The following DLG2 variants were observed in gnomAD, a reference collection of about 807,000 sequenced individuals.
The protein encoded by DLG2 is discs large MAGUK scaffold protein 2.
DLG2 carries 45 observed loss-of-function variants against 132.5 expected under a neutral mutation model. The observed-to-expected ratio is 0.34, with a 90% confidence interval of 0.27 to 0.44. The LOEUF (loss-of-function observed/expected upper bound fraction) is 0.44, where lower values mean the gene tolerates loss of function less well. DLG2 is among the 20% of genes least tolerant of loss of function. The pLI is 1.00. For missense variants in DLG2, 1,045 were observed against 1,196.9 expected, an observed-to-expected ratio of 0.87 and a Z score of 1.87; for synonymous variants, 424 against 419.6, an observed-to-expected ratio of 1.01 and a Z score of -0.13.
chr11:84,774,487 C>G (rs2070055296), intron 6 of DLG2, among the ~76,000 whole-genome samples: 2 of 151,998 alleles, frequency 1.3e-5, no homozygotes, highest in Admixed American at 1.3e-4. Flanking sequence ...GTCCAAATAG[C>G]CAAAATAATC....
intron 6 of DLG2, among the ~76,000 whole-genome samples, chr11:84,544,866 G>C (rs764493316): frequency 4.6e-5 from 7 of 152,168 alleles, no homozygotes; most frequent in Non-Finnish European, 8.8e-5. Flanking sequence ...GTCGCTAAAA[G>C]TGAATTTTTC....
At chr11:84,942,411 T>C (rs933425942) in intron 6 of DLG2, among the ~76,000 whole-genome samples, 4 of 152,156 alleles carry the variant, frequency 2.6e-5, no homozygotes. Context: ...TCCACAGATA[T>C]TGGTATATTC....
intron 6 of DLG2, among the ~76,000 whole-genome samples, chr11:84,568,593 C>T (rs541629258): frequency 1.3e-5 from 2 of 152,308 alleles, no homozygotes; most frequent in East Asian, 3.9e-4. Flanking sequence ...CTCAACCTAA[C>T]TTCTGTACTA....
At chr11:85,467,180 A>G (rs566761261) in intron 3 of DLG2, among the ~76,000 whole-genome samples, 115 of 152,184 alleles carry the variant, frequency 7.6e-4, no homozygotes, top group Non-Finnish European at 1.4e-3. Flanking sequence ...ACTTTGCTGA[A>G]GTTGCCTATC....
At chr11:85,468,694 T>C (rs947038416) in intron 3 of DLG2, among the ~76,000 whole-genome samples, 1 of 152,240 alleles carries the variant, frequency 6.6e-6, no homozygotes, top group African/African-American at 2.4e-5. Flanking sequence ...TTATAATTTC[T>C]GTTCTTTTAC....
intron 6 of DLG2, among the ~76,000 whole-genome samples, chr11:85,010,527 T>C (rs1352568565): frequency 2.0e-5 from 3 of 152,074 alleles, no homozygotes; most frequent in Admixed American, 2.0e-4. Flanking sequence ...TATAAAACGT[T>C]CTAGTGGGCG....
intron 6 of DLG2, among the ~76,000 whole-genome samples, chr11:84,974,042 A>C (rs1296555670): frequency 6.6e-6 from 1 of 152,216 alleles, no homozygotes; most frequent in South Asian, 2.1e-4. Context: ...CATCTGCATT[A>C]AACTAGAGAA....
chr11:84,917,035 T>C (rs2092512033), intron 6 of DLG2, among the ~76,000 whole-genome samples: 1 of 152,228 alleles, frequency 6.6e-6, no homozygotes, highest in African/African-American at 2.4e-5. Context: ...CCATGATTTT[T>C]TGACTTAGCA....
intron 6 of DLG2, among the ~76,000 whole-genome samples, chr11:85,009,691 A>G (rs1376551157): frequency 6.6e-6 from 1 of 152,124 alleles, no homozygotes; most frequent in East Asian, 1.9e-4. Context: ...TATCAATTCC[A>G]GTTATACAAA....
At chr11:85,042,587 G>A (rs974059703) in intron 6 of DLG2, among the ~76,000 whole-genome samples, 1 of 151,880 alleles carries the variant, frequency 6.6e-6, no homozygotes, top group East Asian at 1.9e-4. Flanking sequence ...GATTAAATAA[G>A]GCATGTGAAT....
intron 4 of DLG2, among the ~76,000 whole-genome samples, chr11:85,257,403 A>G (rs963873532): frequency 6.6e-6 from 1 of 152,238 alleles, no homozygotes; most frequent in Non-Finnish European, 1.5e-5. Context: ...AGCTATTTAT[A>G]AGAAGCAAAA....
At chr11:83,640,744 C>T (rs2066257742) in intron 18 of DLG2, among the ~76,000 whole-genome samples, 1 of 152,088 alleles carries the variant, frequency 6.6e-6, no homozygotes, top group Non-Finnish European at 1.5e-5. Context: ...TGAGGAGTAT[C>T]ATGTTCTTTT....
chr11:85,514,246 A>G (rs2094132912), intron 3 of DLG2, among the ~76,000 whole-genome samples: 1 of 152,026 alleles, frequency 6.6e-6, no homozygotes, highest in African/African-American at 2.4e-5. Context: ...CCCTGTTAAC[A>G]AATGCAGAAA....
intron 12 of DLG2, among the ~76,000 whole-genome samples, chr11:83,978,635 G>A (rs540277149): frequency 1.6e-4 from 25 of 152,184 alleles, no homozygotes; most frequent in African/African-American, 6.0e-4. Flanking sequence ...GCTTCAGGTG[G>A]TAAAGCAGCC....
At chr11:85,297,538 A>G (rs1017226746) in intron 3 of DLG2, among the ~76,000 whole-genome samples, 2 of 152,150 alleles carry the variant, frequency 1.3e-5, no homozygotes, top group African/African-American at 4.8e-5. Context: ...GAAAATAGTA[A>G]TGTTTCTTCT....
At chr11:85,271,483 G>A (rs188902935) in intron 4 of DLG2, among the ~76,000 whole-genome samples, 1 of 152,300 alleles carries the variant, frequency 6.6e-6, no homozygotes, top group Admixed American at 6.5e-5. Context: ...GAATGCCACT[G>A]TCCTCCAGAC....
chr11:84,627,999 T>C (rs972123655), intron 6 of DLG2, among the ~76,000 whole-genome samples: 15 of 152,052 alleles, frequency 9.9e-5, no homozygotes, highest in African/African-American at 3.4e-4. Context: ...CAGGGACATA[T>C]ATGATCCAAA....
chr11:84,215,257 ATC>A (rs2154317158), intron 8 of DLG2, among the ~76,000 whole-genome samples: 1 of 152,284 alleles, frequency 6.6e-6, no homozygotes, highest in East Asian at 1.9e-4. Context: ...CTTCCACCTG[ATC>A]ATAGTAGGCA....
intron 14 of DLG2, among the ~76,000 whole-genome samples, chr11:83,954,581 A>T (rs561998111): frequency 6.6e-6 from 1 of 152,216 alleles, no homozygotes; most frequent in Non-Finnish European, 1.5e-5. Context: ...ACATTTGTTC[A>T]TGAACCTTTA....
Sources: gnomAD v4.1 joint callset for allele counts (sites outside exome capture counted in the v4.1 genomes callset) on GRCh38, gnomAD v4.1.1 for gene constraint, MANE v1.5 for transcripts, NCBI Gene and HGNC (gene_info 2026-07-23, HGNC 2026-07-21) for gene names.